The following DSCAML1 variants were observed in gnomAD, a reference collection of about 807,000 sequenced individuals.
The protein encoded by DSCAML1 is DS cell adhesion molecule like 1, also known as cell adhesion molecule DSCAML1.
DSCAML1 carries 38 observed loss-of-function variants against 200.5 expected under a neutral mutation model. The ratio of observed to expected loss-of-function variants is 0.19; its 90% CI spans 0.15 to 0.25. The LOEUF is 0.25. Ranked by LOEUF, DSCAML1 falls within the 10% of genes least tolerant of loss-of-function variation. The pLI is 1.00. For synonymous variants in DSCAML1, 1,215 were observed against 1,165.0 expected (o/e 1.04, Z -0.87); for missense variants, 2,223 against 2,858.8 (o/e 0.78, Z 5.07).
chr11:117,696,622 T>C (rs112859435), intron 3 of DSCAML1, among the ~76,000 whole-genome samples: 2,000 of 125,688 alleles, frequency 0.016, 52 homozygotes, highest in African/African-American at 0.056. Context: ...TCTTGCTGCC[T>C]GGCCTGGGAG....
In DSCAML1 at chr11:117,517,283, G is replaced by A. The variant is rs190549479; in HGVS notation, c.1511-544C>T. ...GTAAATGTGTATTGTAGGCCCCTGG[G>A]AAGGAGCTGTGAAAGGGGCTCTGAT... On this transcript the variant is annotated intron_variant, in intron 7 of 32. Coordinates refer to ENST00000651296, the MANE Select transcript of DSCAML1 (RefSeq NM_020693.4). Among the ~76,000 whole-genome samples, 4 of 152,356 alleles carry A rather than the reference G, an allele frequency of 2.6e-5. No homozygotes were observed. In the East Asian group the frequency reaches 7.7e-4, roughly 29 times the overall value.
intron 20 of DSCAML1, among the ~76,000 whole-genome samples, chr11:117,447,577 G>A (rs2048205779): frequency 6.6e-6 from 1 of 151,994 alleles, no homozygotes; most frequent in Non-Finnish European, 1.5e-5. Context: ...TAATAAAATT[G>A]CATTATTTTT....
chr11:117,694,095 T>A (rs1186001220), intron 3 of DSCAML1, among the ~76,000 whole-genome samples: 17 of 110,310 alleles, frequency 1.5e-4, no homozygotes, highest in African/African-American at 4.5e-4. Flanking sequence ...ATATATATAT[T>A]TTTTAAATTG....
intron 3 of DSCAML1, among the ~76,000 whole-genome samples, chr11:117,534,543 A>G (rs1369615468): frequency 6.6e-6 from 1 of 152,094 alleles, no homozygotes. Context: ...ATACTCCCTC[A>G]TACACTGGAA....
chr11:117,619,472 C>T (rs2051882107), intron 3 of DSCAML1, among the ~76,000 whole-genome samples: 1 of 152,180 alleles, frequency 6.6e-6, no homozygotes, highest in Non-Finnish European at 1.5e-5. Flanking sequence ...CTTGGTAACC[C>T]TATAGACCAC....
chr11:117,706,843 T>A (rs12576082), intron 3 of DSCAML1, among the ~76,000 whole-genome samples: 4,029 of 152,288 alleles, frequency 0.026, 83 homozygotes, highest in African/African-American at 0.056. Context: ...TCATATATAA[T>A]CTTAAGGAGT....
intron 3 of DSCAML1, among the ~76,000 whole-genome samples, chr11:117,666,333 A>C (rs1319345054): frequency 6.6e-6 from 1 of 152,148 alleles, no homozygotes; most frequent in Non-Finnish European, 1.5e-5. Flanking sequence ...AGTAGCTAGC[A>C]TTTTCCATAG....
At chr11:117,479,897 G>A (rs895666995) in intron 14 of DSCAML1, among the ~76,000 whole-genome samples, 4 of 152,102 alleles carry the variant, frequency 2.6e-5, no homozygotes, top group African/African-American at 7.2e-5. Flanking sequence ...ATCCACTCGC[G>A]TCAGCCTGCC....
chr11:117,800,677 C>T (rs1197282705), upstream of DSCAML1, among the ~76,000 whole-genome samples: 1 of 152,152 alleles, frequency 6.6e-6, no homozygotes, highest in East Asian at 1.9e-4. Context: ...GGGTGATGAT[C>T]TGTCTGTATT....
intron 3 of DSCAML1, among the ~76,000 whole-genome samples, chr11:117,772,602 CCCA>C (rs1299525527): frequency 6.6e-6 from 1 of 152,132 alleles, no homozygotes; most frequent in Non-Finnish European, 1.5e-5. Context: ...CTGGGAGACT[CCCA>C]CAAGGGGCCC....
At chr11:117,725,880 C>T (rs1353223924) in intron 3 of DSCAML1, among the ~76,000 whole-genome samples, 1 of 152,144 alleles carries the variant, frequency 6.6e-6, no homozygotes, top group African/African-American at 2.4e-5. Flanking sequence ...GCAGCAGGTC[C>T]CAGCAGAGGC....
chr11:117,529,172 T>C (rs751848416), intron 4 of DSCAML1, among the ~76,000 whole-genome samples: 3 of 152,068 alleles, frequency 2.0e-5, no homozygotes, highest in Non-Finnish European at 4.4e-5. Flanking sequence ...TCTGCCTCCC[T>C]GGTTCAAGCG....
chr11:117,619,680 A>C (rs1394972476), intron 3 of DSCAML1, among the ~76,000 whole-genome samples: 1 of 152,118 alleles, frequency 6.6e-6, no homozygotes, highest in Non-Finnish European at 1.5e-5. Context: ...TTTGAAAAAA[A>C]AATGGTTACA....
chr11:117,451,809 C>A (rs1009233726), intron 19 of DSCAML1, among the ~76,000 whole-genome samples: 65 of 64,072 alleles, frequency 1.0e-3, no homozygotes, highest in Admixed American at 1.4e-3. Context: ...AGCAAGACTC[C>A]GTCTCAAAAA....
At chr11:117,515,865 C>T (rs1269943903) in intron 8 of DSCAML1, among the ~76,000 whole-genome samples, 5 of 152,076 alleles carry the variant, frequency 3.3e-5, no homozygotes, top group Admixed American at 6.5e-5. Context: ...ATGATCCACC[C>T]GCCTCGGCCT....
chr11:117,438,331 G>A (rs1226180282), intron 24 of DSCAML1, among the ~76,000 whole-genome samples: 1 of 152,086 alleles, frequency 6.6e-6, no homozygotes, highest in Non-Finnish European at 1.5e-5. Flanking sequence ...CGGGTCTGAC[G>A]CTGTCACTTT....
rs71037499 is a variant in DSCAML1, at chr11:117,780,304, G to GAAAGAAAGAAAGAAAGAGAA, written c.364+188_364+189insTTCTCTTTCTTTCTTTCTTT. Among the ~76,000 whole-genome samples the GAAAGAAAGAAAGAAAGAGAA allele has an allele frequency of 3.0e-5, 3 of 98,436 alleles. No individual in the cohort carries two copies. The highest frequency in any genetic ancestry group is 6.7e-5 in the Non-Finnish European group (3 of 45,038). The allele number at this position is 98,436 out of a possible 152,430, so 64.6% of individuals were successfully genotyped here. A position where few individuals can be genotyped will look rare whatever the true frequency, so the allele number is the denominator to read the frequency against. On this transcript the variant is annotated intron_variant, in intron 2 of 32. Coordinates refer to ENST00000651296, the MANE Select transcript of DSCAML1 (RefSeq NM_020693.4). This position sits in a 1 kb window ranked among gnomAD's most constrained non-coding sequence, Gnocchi z 4.8. ...AGAAAGAAAGAAAGAAAGAAAGAAA[G>GAAAGAAAGAAAGAAAGAGAA]AGAGAAAGGAGAAAGAAAGGTGTCT...
At chr11:117,703,836 G>T (rs1392057661) in intron 3 of DSCAML1, among the ~76,000 whole-genome samples, 1 of 152,138 alleles carries the variant, frequency 6.6e-6, no homozygotes, top group Non-Finnish European at 1.5e-5. Context: ...GAGGAAAGAA[G>T]AATAATGACG....
chr11:117,725,209 A>G (rs2054104221), intron 3 of DSCAML1, among the ~76,000 whole-genome samples: 3 of 152,148 alleles, frequency 2.0e-5, no homozygotes, highest in Non-Finnish European at 2.9e-5. Context: ...GACGGGAGGC[A>G]AGTTGGATCT....
Sources: gnomAD v4.1 joint callset for allele counts (sites outside exome capture counted in the v4.1 genomes callset) on GRCh38, gnomAD v4.1.1 for gene constraint, Gnocchi (gnomAD v3.1) non-coding constraint, MANE v1.5 for transcripts, NCBI Gene and HGNC (gene_info 2026-07-23, HGNC 2026-07-21) for gene names.